Variants in SOD2 observed in about 807,000 individuals in gnomAD.
SOD2 encodes superoxide dismutase 2.
SOD2 carries 11 observed loss-of-function variants against 27.0 expected under a neutral mutation model. The ratio of observed to expected loss-of-function variants is 0.41; its 90% CI spans 0.26 to 0.67. The LOEUF (loss-of-function observed/expected upper bound fraction) is 0.67. SOD2 is among the 30% of genes least tolerant of loss of function. SOD2 has a pLI of 0.34. For synonymous variants in SOD2, 105 were observed against 103.0 expected (o/e 1.02, Z -0.12); for missense variants, 250 against 274.5 (o/e 0.91, Z 0.63).
chr6:159,700,447 G>A (rs190910792), intron 1 of SOD2, among the ~76,000 whole-genome samples: 27 of 152,192 alleles, frequency 1.8e-4, no homozygotes, highest in African/African-American at 6.3e-4. Flanking sequence ...AAGGTCAGGC[G>A]ATCGAGACCA....
At chr6:159,723,097 A>C (rs1338669466) in intron 1 of SOD2, among the ~76,000 whole-genome samples, 3 of 151,934 alleles carry the variant, frequency 2.0e-5, no homozygotes, top group African/African-American at 7.3e-5. Flanking sequence ...AAGCTTTCCC[A>C]CTCCTCTGCA....
chr6:159,683,575 C>G (rs1269362690), intron 4 of SOD2, among the ~76,000 whole-genome samples: 1 of 152,104 alleles, frequency 6.6e-6, no homozygotes, highest in Non-Finnish European at 1.5e-5. Context: ...AGGGAGGTCA[C>G]TAGTAATTTA....
upstream of SOD2, among the ~76,000 whole-genome samples, chr6:159,693,616 G>A (rs533872354): frequency 1.3e-5 from 2 of 152,314 alleles, no homozygotes; most frequent in African/African-American, 4.8e-5. Flanking sequence ...GCTGCACTAG[G>A]CGGCTGCGGC....
chr6:159,693,858 C>T (rs1583024158), upstream of SOD2, among the ~76,000 whole-genome samples: 1 of 152,222 alleles, frequency 6.6e-6, no homozygotes, highest in African/African-American at 2.4e-5. Flanking sequence ...GTAAGCCGAC[C>T]TTGGGACCTA....
Position 159,675,390 on chromosome 6 carries a change from C to G in SOD2, c.*7103G>C, listed in dbSNP as rs1434012164. ...AACCAAAACAGCATGGTACTAGTACCAAAACAGAGATATAGACCAATGGAA... is the reference window on the plus strand; with the variant it reads ...AACCAAAACAGCATGGTACTAGTACGAAAACAGAGATATAGACCAATGGAA... On this transcript the variant is annotated 3_prime_UTR_variant, in exon 5 of 5. Transcript: ENST00000538183. 2 of 152,056 alleles carry G rather than the reference C, an allele frequency of 1.3e-5. No individual in the cohort carries two copies. The highest frequency in any genetic ancestry group is 2.9e-5 in the Non-Finnish European group (2 of 68,026). 9.4% of individuals were successfully genotyped at this position (152,056 alleles called of 1,614,324 possible).
At chr6:159,736,127 T>C in intron 1 of SOD2, 4 of 941,108 alleles carry the variant, frequency 4.3e-6, no homozygotes, top group Non-Finnish European at 6.3e-6. Flanking sequence ...TAAAATTGTT[T>C]ATTTAAATTC....
intron 2 of SOD2, among the ~76,000 whole-genome samples, chr6:159,689,274 T>C (rs1780339136): frequency 6.6e-6 from 1 of 152,160 alleles, no homozygotes; most frequent in African/African-American, 2.4e-5. Context: ...TTCCTGTTCC[T>C]CCTTCAAGTC....
In SOD2 at chr6:159,753,827, T is replaced by A. The variant is rs1779908232; in HGVS notation, c.-335-5151A>T. Reference sequence around the variant, plus strand: ...CCCCACCCTCCTAATTCTTTATTGTTCAAAATTTCTTACATTTTTGTTTTT... The same window carrying A: ...CCCCACCCTCCTAATTCTTTATTGTACAAAATTTCTTACATTTTTGTTTTT... On this transcript the variant is annotated intron_variant, in intron 1 of 7. Coordinates refer to the SOD2 transcript ENST00000546087. 2.0e-5 allele frequency among the ~76,000 whole-genome samples: 3 copies of A among 152,234 alleles called. 1 individual carries two copies. The South Asian group carries it at 6.2e-4, about 31-fold the overall frequency.
chr6:159,726,973 C>T, intron 1 of SOD2: 1 of 1,282,200 alleles, frequency 7.8e-7, no homozygotes, highest in Non-Finnish European at 1.0e-6. Context: ...CACAGAGCGG[C>T]CAATCACGCG....
Position 159,682,406 on chromosome 6 carries a change from A to G in SOD2, c.*87T>C, listed in dbSNP as rs1471385002. On this transcript the variant is annotated 3_prime_UTR_variant, in exon 5 of 5. Transcript: ENST00000538183. ...AAGCAACATCAAGAAATGCTACAAT[A>G]GAGCAGCTTACTGTATTCTGCAGTA... The G allele has an allele frequency of 9.1e-7, 1 of 1,099,596 alleles. No homozygotes were observed. Among genetic ancestry groups the G allele is most frequent in the Non-Finnish European group, 1.3e-6 (1 of 795,502 alleles). The allele number at this position is 1,099,596 out of a possible 1,614,324, so 68.1% of individuals were successfully genotyped here.
chr6:159,757,876 T>G (rs1017074209), intron 1 of SOD2, among the ~76,000 whole-genome samples: 2 of 152,244 alleles, frequency 1.3e-5, no homozygotes, highest in Admixed American at 1.3e-4. Context: ...GTAATTTCTC[T>G]GTCCTGTTGG....
upstream of SOD2, among the ~76,000 whole-genome samples, chr6:159,728,639 A>T (rs1168789757): frequency 6.6e-6 from 1 of 152,238 alleles, no homozygotes; most frequent in African/African-American, 2.4e-5. Flanking sequence ...TGTTGTGGAC[A>T]TTTAAAACCG....
chr6:159,753,220 A>G (rs1051977803), intron 1 of SOD2: 2 of 509,792 alleles, frequency 3.9e-6, no homozygotes, highest in African/African-American at 3.8e-5. Context: ...TATTGATGTA[A>G]TAGAAACAAG....
chr6:159,701,826 T>C (rs1405084279), intron 1 of SOD2, among the ~76,000 whole-genome samples: 1 of 152,166 alleles, frequency 6.6e-6, no homozygotes, highest in Non-Finnish European at 1.5e-5. Flanking sequence ...GCAATTTGTA[T>C]ATTCTATGAG....
chr6:159,727,806 A>G (rs1778293528), upstream of SOD2: 1 of 833,862 alleles, frequency 1.2e-6, no homozygotes, highest in Non-Finnish European at 1.4e-6. Context: ...AGGGCCCGAA[A>G]GGCCACACGG....
chr6:159,739,189 A>C, intron 1 of SOD2: 1 of 608,856 alleles, frequency 1.6e-6, no homozygotes, highest in Non-Finnish European at 2.7e-6. Flanking sequence ...GCATACTATG[A>C]CCTATTTCTT....
chr6:159,755,594 C>T (rs1779973194), intron 1 of SOD2: 1 of 1,609,964 alleles, frequency 6.2e-7, no homozygotes, highest in Non-Finnish European at 8.5e-7. Flanking sequence ...TGTAAATGTA[C>T]AGGGTTCAGT....
At chr6:159,752,784 C>T (rs1779869654) in intron 1 of SOD2, among the ~76,000 whole-genome samples, 1 of 152,188 alleles carries the variant, frequency 6.6e-6, no homozygotes, top group South Asian at 2.1e-4. Context: ...GACAGGGTCC[C>T]TGTTTCCGAA....
At chr6:159,692,381 A>G in intron 2 of SOD2, 3 of 1,327,258 alleles carry the variant, frequency 2.3e-6, no homozygotes, top group Admixed American at 3.8e-5. Flanking sequence ...AGTGCTGGCA[A>G]TATGTGTAAC....
Sources: allele counts gnomAD v4.1 joint callset (sites outside exome capture counted in the v4.1 genomes callset), GRCh38; gene constraint gnomAD v4.1.1; transcripts MANE v1.5; gene names NCBI Gene and HGNC (gene_info 2026-07-23, HGNC 2026-07-21).